Variants in MCTP2 observed in about 807,000 individuals in gnomAD.
The protein encoded by MCTP2 is multiple C2 and transmembrane domain containing 2.
Under a neutral mutation model 111.6 loss-of-function variants are expected in MCTP2, and 132 were observed. That is an observed-to-expected ratio of 1.18 (90% CI 1.03 to 1.37). The LOEUF is 1.37. Among genes scored for constraint, MCTP2 ranks in the 40% most tolerant of loss-of-function variants. The pLI is 0.00. For missense variants in MCTP2, 1,183 were observed against 1,067.9 expected (o/e 1.11, Z -1.50); for synonymous variants, 395 against 387.7 (o/e 1.02, Z -0.22).
chr15:94,458,038 T>C (rs538306439), intron 19 of MCTP2, 99 bp from the exon 20 acceptor site: 318 of 677,456 alleles, frequency 4.7e-4, no homozygotes, highest in Non-Finnish European at 6.3e-4. Context: ...GTCACTCTAT[T>C]GGTAAAAACC....
intron 17 of MCTP2, among the ~76,000 whole-genome samples, chr15:94,426,139 ATT>A (rs144447478): frequency 7.6e-4 from 60 of 78,754 alleles, no homozygotes; most frequent in Admixed American, 4.7e-3. Flanking sequence ...AGAGAGAGAG[ATT>A]GAGAGAGAGA....
chr15:94,316,576 G>T (rs917689705), intron 4 of MCTP2, among the ~76,000 whole-genome samples: 4 of 152,154 alleles, frequency 2.6e-5, no homozygotes, highest in African/African-American at 9.7e-5. Flanking sequence ...AAGATGGCAG[G>T]CATTAACTTA....
chr15:94,463,267 CTTTAA>C (rs909151644), intron 20 of MCTP2, among the ~76,000 whole-genome samples: 26 of 152,150 alleles, frequency 1.7e-4, no homozygotes, highest in South Asian at 1.2e-3. Flanking sequence ...TTTAGATCGT[CTTTAA>C]TTTATCTCAT....
rs143126650 is a variant in MCTP2, at chr15:94,322,550, A to G, written c.637+6913A>G. On this transcript the variant is annotated intron_variant, in intron 4 of 22. Coordinates refer to ENST00000357742, the MANE Select transcript of MCTP2 (RefSeq NM_001385001.1). The stretch of plus-strand genomic sequence containing the variant: ...TTCCAATATAAATTTATTTACAAAA[A>G]CAGGCAGTGGTCTGGATTTAACTGA... 3.2e-3 allele frequency among the ~76,000 whole-genome samples: 485 copies of G among 152,328 alleles called. 1 individual carries two copies. The highest frequency in any genetic ancestry group is 0.011 in the African/African-American group (452 of 41,568).
chr15:94,317,327 A>G (rs559178863), intron 4 of MCTP2, among the ~76,000 whole-genome samples: 20 of 151,998 alleles, frequency 1.3e-4, no homozygotes, highest in Non-Finnish European at 2.6e-4. Context: ...ATGTCCTGCA[A>G]TTTGGTGATG....
chr15:94,406,280 A>T (rs563740818), intron 17 of MCTP2, among the ~76,000 whole-genome samples: 2 of 152,150 alleles, frequency 1.3e-5, no homozygotes, highest in Non-Finnish European at 2.9e-5. Context: ...ATAGAGGTCA[A>T]GTACAGTGAC....
At position 94,289,350 on chromosome 15, in the gene MCTP2, G is replaced by A. The variant is rs2074927652; in HGVS notation, c.-65-8851G>A. On this transcript the variant is annotated intron_variant, in intron 1 of 22. Transcript: ENST00000357742. ...CCGTTTTTCAAGTGTTGAAAGAAAA[G>A]TATAGAATTCAATATCTAGCTAAAA... 2.0e-5 allele frequency among the ~76,000 whole-genome samples: 3 copies of A among 152,222 alleles called. No individual in the cohort carries two copies. In the South Asian group the frequency reaches 6.2e-4, roughly 31 times the overall value.
At position 94,483,298 on chromosome 15, in the gene MCTP2, T is replaced by C. The variant is rs2074816784; in HGVS notation, c.*4264T>C. 6.6e-6 allele frequency: 1 copy of C among 152,184 alleles called. No homozygotes were observed. Among genetic ancestry groups the C allele is most frequent in the South Asian group, 2.1e-4 (1 of 4,828 alleles). 9.4% of individuals were successfully genotyped at this position (152,184 alleles called of 1,614,324 possible). A position where few individuals can be genotyped will look rare whatever the true frequency, so the allele number is the denominator to read the frequency against. On this transcript the variant is annotated 3_prime_UTR_variant, in exon 23 of 23. Coordinates refer to ENST00000357742, the MANE Select transcript of MCTP2 (RefSeq NM_001385001.1). ...CCGCTGTGGAAGACAGGGTGGGTGTTTCCTCAAAAACCTAAAGACAGAAAT... is the reference window on the plus strand; with the variant it reads ...CCGCTGTGGAAGACAGGGTGGGTGTCTCCTCAAAAACCTAAAGACAGAAAT...
intron 1 of MCTP2, among the ~76,000 whole-genome samples, chr15:94,257,840 C>T (rs1402676246): frequency 6.6e-6 from 1 of 150,430 alleles, no homozygotes; most frequent in Non-Finnish European, 1.5e-5. Flanking sequence ...CCTCCTCGGC[C>T]TCCCAAAGTG....
At chr15:94,330,145 G>C (rs965665892) in intron 4 of MCTP2, among the ~76,000 whole-genome samples, 1 of 152,086 alleles carries the variant, frequency 6.6e-6, no homozygotes, top group Non-Finnish European at 1.5e-5. Context: ...CTTTTATAAG[G>C]CTGAAAAGTA....
Position 94,399,912 on chromosome 15 carries a change from C to G in MCTP2, c.1891-9C>G. On this transcript the variant is annotated splice_polypyrimidine_tract_variant and intron_variant, in intron 15 of 22. Coordinates refer to ENST00000357742, the MANE Select transcript of MCTP2 (RefSeq NM_001385001.1). ...TGCTGCCCTTTTTTAACAAGGATGT[C>G]TTTTCTAGGTGAAAGCAAGTATTAG... is the stretch of plus-strand genomic sequence containing the variant. 1 of 1,613,268 alleles carries G rather than the reference C, an allele frequency of 6.2e-7. No individual in the cohort carries two copies. Among genetic ancestry groups the G allele is most frequent in the Non-Finnish European group, 8.5e-7 (1 of 1,179,304 alleles).
intron 8 of MCTP2, among the ~76,000 whole-genome samples, chr15:94,345,853 G>C (rs1209826027): frequency 2.0e-5 from 3 of 152,100 alleles, no homozygotes; most frequent in Non-Finnish European, 4.4e-5. Context: ...TTTGTAAGGA[G>C]AAATAACAAC....
At chr15:94,368,463 A>G (rs1405921844) in intron 11 of MCTP2, among the ~76,000 whole-genome samples, 1 of 152,168 alleles carries the variant, frequency 6.6e-6, no homozygotes, top group East Asian at 1.9e-4. Context: ...TTTTAGTGCC[A>G]CACAGGGAAA....
In MCTP2 at chr15:94,483,691, C is replaced by G. The variant is rs557614452; in HGVS notation, c.*4657C>G. 1 of 152,082 alleles carries G rather than the reference C, an allele frequency of 6.6e-6. No individual in the cohort carries two copies. Among genetic ancestry groups the G allele is most frequent in the African/African-American group, 2.4e-5 (1 of 41,480 alleles). The allele number at this position is 152,082 out of a possible 1,614,324, so 9.4% of individuals were successfully genotyped here. A position where few individuals can be genotyped will look rare whatever the true frequency, so the allele number is the denominator to read the frequency against. ...GACATGTAGAAGGGAACAAAATACA[C>G]TGGGGGCTATTGGAGGGTGAAGGGT... On this transcript the variant is annotated 3_prime_UTR_variant, in exon 23 of 23. Coordinates refer to ENST00000357742, the MANE Select transcript of MCTP2 (RefSeq NM_001385001.1).
intron 1 of MCTP2, among the ~76,000 whole-genome samples, chr15:94,291,425 A>T (rs1468219242): frequency 6.6e-6 from 1 of 152,138 alleles, no homozygotes; most frequent in African/African-American, 2.4e-5. Context: ...CAACATGATG[A>T]AACCCTGTCT....
intron 1 of MCTP2, among the ~76,000 whole-genome samples, chr15:94,285,434 A>G (rs1275518173): frequency 6.6e-6 from 1 of 152,242 alleles, no homozygotes; most frequent in Non-Finnish European, 1.5e-5. Context: ...TACTGATGCC[A>G]GGTAAGGGCC....
chr15:94,443,292 GC>G (rs1189907109), intron 19 of MCTP2, among the ~76,000 whole-genome samples: 1 of 152,082 alleles, frequency 6.6e-6, no homozygotes, highest in African/African-American at 2.4e-5. Context: ...AAGTGAAATT[GC>G]TGCTGCTTTA....
At chr15:94,257,564 T>TTGA (rs1168373696) in intron 1 of MCTP2, among the ~76,000 whole-genome samples, 13 of 64,080 alleles carry the variant, frequency 2.0e-4, no homozygotes, top group African/African-American at 7.9e-4. Flanking sequence ...GTCATTTTCT[T>TTGA]TGTTGTTTTT....
intron 19 of MCTP2, among the ~76,000 whole-genome samples, chr15:94,452,170 T>C (rs2084503127): frequency 6.6e-6 from 1 of 152,168 alleles, no homozygotes; most frequent in Non-Finnish European, 1.5e-5. Context: ...TTCCTATACA[T>C]GGAAATACTA....
Sources: gnomAD v4.1 joint callset for allele counts (sites outside exome capture counted in the v4.1 genomes callset) on GRCh38, gnomAD v4.1.1 for gene constraint, MANE v1.5 for transcripts, NCBI Gene and HGNC (gene_info 2026-07-23, HGNC 2026-07-21) for gene names.